The following STK3 variants were observed in gnomAD, a reference collection of about 807,000 sequenced individuals.
STK3 encodes the protein serine/threonine-protein kinase 3.
Under a neutral mutation model 58.0 loss-of-function variants are expected in STK3, and 41 were observed. The ratio of observed to expected loss-of-function variants is 0.71; its 90% CI spans 0.55 to 0.92. The LOEUF (loss-of-function observed/expected upper bound fraction) is 0.92. Among genes scored for constraint, STK3 ranks in the 40% least tolerant of loss-of-function variants. STK3 has a pLI of 0.00. For missense variants in STK3, 479 were observed against 602.7 expected (o/e 0.79, Z 2.15); for synonymous variants, 170 against 191.0 (o/e 0.89, Z 0.91).
chr8:98,636,169 A>C (rs1819603008), intron 6 of STK3, among the ~76,000 whole-genome samples: 2 of 152,246 alleles, frequency 1.3e-5, no homozygotes, highest in South Asian at 4.1e-4. Flanking sequence ...ACAACTCCTC[A>C]GGATAAAGAT....
intron 3 of STK3, among the ~76,000 whole-genome samples, chr8:98,867,067 A>C (rs1374363826): frequency 6.6e-6 from 1 of 152,142 alleles, no homozygotes; most frequent in African/African-American, 2.4e-5. Flanking sequence ...CCACTACATT[A>C]TATTATTTCA....
the STK3 span, among the ~76,000 whole-genome samples, chr8:98,348,641 A>G: frequency 0.014 from 2,134 of 152,364 alleles, 51 homozygotes; most frequent in African/African-American, 0.048. Flanking sequence ...AAATATACAG[A>G]TGGCAAATAA....
At chr8:98,673,939 T>C (rs1378330180) in intron 6 of STK3, among the ~76,000 whole-genome samples, 1 of 152,200 alleles carries the variant, frequency 6.6e-6, no homozygotes, top group African/African-American at 2.4e-5. Context: ...TTCCAAAGAT[T>C]AAAATAAATA....
At chr8:98,355,199 A>C in the STK3 span, among the ~76,000 whole-genome samples, 1 of 152,136 alleles carries the variant, frequency 6.6e-6, no homozygotes, top group African/African-American at 2.4e-5. Flanking sequence ...CCTTGCCAAC[A>C]AAGTGTTAAT....
At chr8:98,830,699 G>A (rs567680025) in intron 3 of STK3, among the ~76,000 whole-genome samples, 12 of 152,094 alleles carry the variant, frequency 7.9e-5, no homozygotes, top group Admixed American at 3.9e-4. Context: ...GGCCAGGCGC[G>A]GTGGCTCACG....
intron 3 of STK3, among the ~76,000 whole-genome samples, chr8:98,853,388 T>C (rs1268952135): frequency 6.6e-6 from 1 of 151,804 alleles, no homozygotes; most frequent in African/African-American, 2.4e-5. Context: ...TACCAGGGAG[T>C]GAGCTCTGTT....
chr8:98,696,228 G>A (rs1242476996), intron 6 of STK3, among the ~76,000 whole-genome samples: 1 of 152,208 alleles, frequency 6.6e-6, no homozygotes, highest in Non-Finnish European at 1.5e-5. Flanking sequence ...CTTTGCTGAA[G>A]TTGTTTATCA....
chr8:98,690,577 T>C (rs975342711), intron 6 of STK3, among the ~76,000 whole-genome samples: 1 of 152,120 alleles, frequency 6.6e-6, no homozygotes, highest in Non-Finnish European at 1.5e-5. Context: ...GCATTCCACG[T>C]TCCCAGGTTG....
chr8:98,605,801 G>A (rs1270470081), intron 6 of STK3, among the ~76,000 whole-genome samples: 1 of 152,146 alleles, frequency 6.6e-6, no homozygotes, highest in Non-Finnish European at 1.5e-5. Context: ...GACCATGGGG[G>A]TGGAGTTGTC....
In STK3 at chr8:98,740,161, A is replaced by C. The variant is rs1043774380; in HGVS notation, c.351+9115T>G. Among the ~76,000 whole-genome samples, 8 of 152,192 alleles carry C rather than the reference A, an allele frequency of 5.3e-5. No individual in the cohort carries two copies. In the South Asian group the frequency reaches 6.2e-4, roughly 12 times the overall value. Reference sequence around the variant, plus strand: ...ACGGGGAGAATGGAACCAAGTTGGAAAACACTCTGCAGGATATTATCCAGG... The same window carrying C: ...ACGGGGAGAATGGAACCAAGTTGGACAACACTCTGCAGGATATTATCCAGG... On this transcript the variant is annotated intron_variant, in intron 4 of 10. Coordinates refer to ENST00000419617, the MANE Select transcript of STK3 (RefSeq NM_006281.4).
chr8:98,463,168 A>T (rs553521971), intron 10 of STK3: 4 of 152,322 alleles, frequency 2.6e-5, no homozygotes, highest in African/African-American at 9.6e-5. Context: ...CATTATTTTT[A>T]TTATGGATGG....
chr8:98,525,234 C>T (rs1825661090), intron 10 of STK3, among the ~76,000 whole-genome samples: 1 of 152,004 alleles, frequency 6.6e-6, no homozygotes, highest in Non-Finnish European at 1.5e-5. Flanking sequence ...TACACACGGA[C>T]ACAGAGTGCG....
At chr8:98,730,267 CA>C (rs1468713308) in intron 4 of STK3, among the ~76,000 whole-genome samples, 1 of 152,150 alleles carries the variant, frequency 6.6e-6, no homozygotes, top group African/African-American at 2.4e-5. Context: ...AGAAAATATA[CA>C]AATCATTTAA....
At chr8:98,412,181 T>A (rs913639504) in intron 3 of STK3, among the ~76,000 whole-genome samples, 1 of 152,190 alleles carries the variant, frequency 6.6e-6, no homozygotes, top group Non-Finnish European at 1.5e-5. Context: ...GGAAAATATT[T>A]GTGCCAGTAA....
intron 1 of STK3, among the ~76,000 whole-genome samples, chr8:98,891,134 C>G (rs759260330): frequency 6.6e-6 from 1 of 152,234 alleles, no homozygotes; most frequent in Non-Finnish European, 1.5e-5. Context: ...GTCAGTCTAC[C>G]AGGGCTGGGG....
intron 3 of STK3, among the ~76,000 whole-genome samples, chr8:98,871,320 A>G (rs1837371013): frequency 6.6e-6 from 1 of 151,754 alleles, no homozygotes; most frequent in Admixed American, 6.6e-5. Context: ...TTGTCTTGGC[A>G]ATGCGGGCTC....
chr8:98,575,348 T>TA (rs1315581528), intron 8 of STK3, among the ~76,000 whole-genome samples: 1 of 151,578 alleles, frequency 6.6e-6, no homozygotes, highest in East Asian at 1.9e-4. Context: ...ACTTGTTTTT[T>TA]TTTTTTTAAT....
intron 10 of STK3, among the ~76,000 whole-genome samples, chr8:98,505,953 G>A (rs751499178): frequency 6.6e-6 from 1 of 152,232 alleles, no homozygotes; most frequent in African/African-American, 2.4e-5. Context: ...GGACGTTTAA[G>A]TCTGCAGAAG....
intron 3 of STK3, among the ~76,000 whole-genome samples, chr8:98,853,073 G>A (rs2922078): frequency 0.33 from 49,592 of 151,500 alleles, 8,524 homozygotes; most frequent in East Asian, 0.45. Flanking sequence ...ATAGTCATGT[G>A]TAGTTCTAAG....
Sources: allele counts gnomAD v4.1 joint callset (sites outside exome capture counted in the v4.1 genomes callset), GRCh38; gene constraint gnomAD v4.1.1; transcripts MANE v1.5; gene names NCBI Gene and HGNC (gene_info 2026-07-23, HGNC 2026-07-21).